The following IRAG1 variants were observed in gnomAD, a reference collection of about 807,000 sequenced individuals.
The protein encoded by IRAG1 is inositol 1,4,5-triphosphate receptor associated 1.
In IRAG1, 62 loss-of-function variants were observed where a neutral mutation model predicts 106.2. The observed-to-expected ratio is 0.58, with a 90% CI of 0.48 to 0.72. The LOEUF (loss-of-function observed/expected upper bound fraction) is 0.72, where lower values mean the gene tolerates loss of function less well. IRAG1 is among the 30% of genes least tolerant of loss of function. The pLI, the probability that IRAG1 is intolerant of heterozygous loss-of-function variation, is 0.00. For missense variants in IRAG1, 1,064 were observed against 1,140.7 expected (o/e 0.93, Z 0.97); for synonymous variants, 462 against 443.9 (o/e 1.04, Z -0.51).
intron 1 of IRAG1, among the ~76,000 whole-genome samples, chr11:10,688,317 T>C (rs2135264263): frequency 6.6e-6 from 1 of 152,202 alleles, no homozygotes; most frequent in Non-Finnish European, 1.5e-5. Context: ...CCCACTGTGA[T>C]AATAAGGGAA....
intron 3 of IRAG1, 99 bp downstream of exon 3, chr11:10,633,869 T>G: frequency 3.1e-6 from 2 of 647,628 alleles, no homozygotes; most frequent in Non-Finnish European, 4.9e-6. Context: ...AATAAAATGA[T>G]ACAAGAAAAA....
At chr11:10,634,521 T>C (rs1056395926) in intron 2 of IRAG1, among the ~76,000 whole-genome samples, 2 of 152,200 alleles carry the variant, frequency 1.3e-5, no homozygotes, top group South Asian at 2.1e-4. Context: ...AAATAGTAAG[T>C]TGAATTCTTT....
chr11:10,627,191 C>A (rs1214737197), intron 8 of IRAG1, among the ~76,000 whole-genome samples: 1 of 152,126 alleles, frequency 6.6e-6, no homozygotes. Context: ...GTGGCTGCCT[C>A]GTGTGTGCTG....
chr11:10,621,377 T>A (rs958948117), intron 10 of IRAG1, among the ~76,000 whole-genome samples: 8 of 152,198 alleles, frequency 5.3e-5, no homozygotes, highest in Non-Finnish European at 1.0e-4. Context: ...GCTCTTATGC[T>A]GAGACTGGCC....
At position 10,593,589 on chromosome 11, in the gene IRAG1, C is replaced by T. The variant is rs373906826; in HGVS notation, c.2078G>A (p.Arg693His). ...AACCACAGCAACGCTGACCCTCCGG[C>T]GAGGCATATTCTGCAGGAAGAGAAG... ...MSLTLGKNMP[R>H]RRVSVAVVPK... Residue 693 changes from arginine to histidine, a missense_variant, in exon 17 of 21, where the codon CGC (arginine) becomes CAC (histidine). Transcript: ENST00000423302. 8.7e-6 allele frequency: 14 copies of T among 1,613,254 alleles called. No individual in the cohort carries two copies. The highest frequency in any genetic ancestry group is 1.2e-5 in the Non-Finnish European group (14 of 1,179,508).
chr11:10,587,543 T>C (rs1852151799), intron 18 of IRAG1, among the ~76,000 whole-genome samples: 1 of 152,228 alleles, frequency 6.6e-6, no homozygotes, highest in South Asian at 2.1e-4. Flanking sequence ...TTTAGTGTCC[T>C]GTGAAATCTT....
chr11:10,635,390 T>C (rs1272836510), intron 2 of IRAG1, among the ~76,000 whole-genome samples: 3 of 152,210 alleles, frequency 2.0e-5, no homozygotes, highest in East Asian at 1.9e-4. Context: ...ACCTCCACTA[T>C]TGGTGCTGCC....
At chr11:10,685,983 G>A (rs897340874) in intron 1 of IRAG1, among the ~76,000 whole-genome samples, 2 of 152,024 alleles carry the variant, frequency 1.3e-5, no homozygotes, top group East Asian at 1.9e-4. Context: ...TAGATCTCAG[G>A]TGGGAAACAA....
chr11:10,668,964 C>T (rs1186218779), intron 1 of IRAG1, among the ~76,000 whole-genome samples: 2 of 152,200 alleles, frequency 1.3e-5, no homozygotes, highest in Non-Finnish European at 2.9e-5. Context: ...CCACCCAAAA[C>T]CCAGCACTCT....
At chr11:10,668,433 G>C (rs937561705) in intron 1 of IRAG1, among the ~76,000 whole-genome samples, 25 of 152,316 alleles carry the variant, frequency 1.6e-4, no homozygotes, top group African/African-American at 6.0e-4. Context: ...CTAACACAGA[G>C]TTCAACAAAC....
rs142269174 is a variant in IRAG1 at position 10,631,254 on chromosome 11, T to C, written c.400+737A>G. ...TTTCTATCATTTGAAAAAGTCCCAA[T>C]TGGTACACATGGCAGAGTTTCAGTT... is the stretch of plus-strand genomic sequence containing the variant. On this transcript the variant is annotated intron_variant, in intron 4 of 20. Coordinates refer to ENST00000423302, the MANE Select transcript of IRAG1 (RefSeq NM_130385.4). Among the ~76,000 whole-genome samples, 430 of 152,292 alleles carry C rather than the reference T, an allele frequency of 2.8e-3. 2 individuals carry two copies. The highest frequency in any genetic ancestry group is 0.01 in the African/African-American group (417 of 41,556).
intron 18 of IRAG1, among the ~76,000 whole-genome samples, chr11:10,584,820 G>A (rs1403722380): frequency 6.6e-6 from 1 of 151,970 alleles, no homozygotes; most frequent in Non-Finnish European, 1.5e-5. Context: ...TGGTGGAGGT[G>A]TAAGAATTAA....
At chr11:10,617,166 C>T (rs1264126730) in intron 10 of IRAG1, 1 of 985,372 alleles carries the variant, frequency 1.0e-6, no homozygotes, top group African/African-American at 1.7e-5. Context: ...CCTCAAAATC[C>T]AGGTCCAGAT....
At chr11:10,613,914 T>C (rs967980179) in intron 10 of IRAG1, among the ~76,000 whole-genome samples, 7 of 152,128 alleles carry the variant, frequency 4.6e-5, no homozygotes, top group African/African-American at 1.7e-4. Context: ...GTCTTTGAAA[T>C]ACAAACCAGC....
At chr11:10,631,833 C>T (rs1281484082) in intron 4 of IRAG1, among the ~76,000 whole-genome samples, 158 bp downstream of exon 4, 1 of 152,206 alleles carries the variant, frequency 6.6e-6, no homozygotes, top group Non-Finnish European at 1.5e-5. Flanking sequence ...AAATATGCTT[C>T]TCCTAGACCC....
At chr11:10,621,965 G>A (rs34988160) in intron 10 of IRAG1, among the ~76,000 whole-genome samples, 1 of 151,864 alleles carries the variant, frequency 6.6e-6, no homozygotes, top group Non-Finnish European at 1.5e-5. Context: ...GGAATAAAGA[G>A]TTATTGTTTT....
chr11:10,649,669 A>G (rs1858300042), intron 2 of IRAG1, among the ~76,000 whole-genome samples: 1 of 152,094 alleles, frequency 6.6e-6, no homozygotes, highest in Non-Finnish European at 1.5e-5. Flanking sequence ...TAACCATCAC[A>G]GCTTCAAAAT....
chr11:10,586,777 T>C (rs149831518), intron 18 of IRAG1, among the ~76,000 whole-genome samples: 349 of 152,126 alleles, frequency 2.3e-3, no homozygotes, highest in African/African-American at 8.0e-3. Flanking sequence ...CAGGGAGGCA[T>C]TGATGTATGT....
At chr11:10,651,684 A>T (rs75983001) in intron 2 of IRAG1, among the ~76,000 whole-genome samples, 1,789 of 152,262 alleles carry the variant, frequency 0.012, 31 homozygotes, top group African/African-American at 0.039. Flanking sequence ...GTGCCCACTC[A>T]CCTGACATAA....
Sources: gnomAD v4.1 joint callset for allele counts (sites outside exome capture counted in the v4.1 genomes callset) on GRCh38, gnomAD v4.1.1 for gene constraint, MANE v1.5 for transcripts, NCBI Gene and HGNC (gene_info 2026-07-23, HGNC 2026-07-21) for gene names.